ACOXL: variants seen among roughly 807,000 people sequenced by gnomAD.
ACOXL encodes the protein acyl-CoA oxidase like, also known as acyl-coenzyme A oxidase-like protein.
A neutral mutation model predicts 71.9 loss-of-function variants in ACOXL; 70 were observed. The observed-to-expected ratio is 0.97, with a 90% CI of 0.80 to 1.19. The LOEUF (loss-of-function observed/expected upper bound fraction) is 1.19, where lower values mean the gene tolerates loss of function less well. Ranked by LOEUF, ACOXL falls within the 50% of genes most tolerant of loss-of-function variation. ACOXL has a pLI of 0.00. For synonymous variants in ACOXL, 253 were observed against 281.6 expected (o/e 0.90, Z 1.02); for missense variants, 703 against 736.3 (o/e 0.95, Z 0.52).
At chr2:111,055,933 A>C (rs2066512928) in intron 16 of ACOXL, among the ~76,000 whole-genome samples, 3 of 152,220 alleles carry the variant, frequency 2.0e-5, no homozygotes, top group African/African-American at 7.2e-5. Context: ...AGCTAGAGCC[A>C]CACAGAAAGA....
chr2:110,952,521 G>A (rs929299115), intron 12 of ACOXL, among the ~76,000 whole-genome samples: 2 of 152,148 alleles, frequency 1.3e-5, no homozygotes, highest in Admixed American at 1.3e-4. Flanking sequence ...GAGTGCAGTA[G>A]CGTGATCGTG....
At chr2:110,897,219 G>T (rs796192442) in intron 10 of ACOXL, among the ~76,000 whole-genome samples, 15 of 152,322 alleles carry the variant, frequency 9.8e-5, no homozygotes, top group African/African-American at 3.6e-4. Context: ...GTAGGGCACA[G>T]CTAAAGCAGT....
intron 12 of ACOXL, among the ~76,000 whole-genome samples, chr2:110,976,189 G>C (rs1172354565): frequency 1.3e-5 from 2 of 152,214 alleles, no homozygotes. Context: ...CAAGGCCTGA[G>C]AGTCTGATTG....
At chr2:110,751,250 G>T (rs938273160) in intron 1 of ACOXL, among the ~76,000 whole-genome samples, 1 of 145,456 alleles carries the variant, frequency 6.9e-6, no homozygotes. Context: ...GCAGTGAGCC[G>T]AGATCGTGCC....
At chr2:111,008,915 T>C (rs1011835769) in intron 14 of ACOXL, among the ~76,000 whole-genome samples, 3 of 152,212 alleles carry the variant, frequency 2.0e-5, no homozygotes, top group Non-Finnish European at 2.9e-5. Context: ...TGTCTGCTCA[T>C]ATTATTTTCC....
At chr2:110,870,850 G>T (rs1409329726) in intron 10 of ACOXL, among the ~76,000 whole-genome samples, 1 of 152,216 alleles carries the variant, frequency 6.6e-6, no homozygotes, top group Non-Finnish European at 1.5e-5. Context: ...AACCCATATA[G>T]GGGTCACCAA....
intron 12 of ACOXL, among the ~76,000 whole-genome samples, chr2:110,935,481 G>A (rs1445020876): frequency 6.6e-6 from 1 of 152,100 alleles, no homozygotes; most frequent in Non-Finnish European, 1.5e-5. Flanking sequence ...CGGAACAACC[G>A]CCCTCGCCTG....
At chr2:110,983,565 A>G (rs1353102207) in intron 12 of ACOXL, among the ~76,000 whole-genome samples, 1 of 152,194 alleles carries the variant, frequency 6.6e-6, no homozygotes, top group Non-Finnish European at 1.5e-5. Context: ...AGAGTGCAGA[A>G]CCAGCAGAAC....
chr2:110,826,752 CTTTT>C (rs775164507), intron 9 of ACOXL, among the ~76,000 whole-genome samples: 7 of 116,532 alleles, frequency 6.0e-5, no homozygotes, highest in Non-Finnish European at 1.2e-4. Flanking sequence ...TCTCTCTTTG[CTTTT>C]TTTTTTTTTT....
At chr2:111,092,740 A>T (rs1407996699) in intron 16 of ACOXL, 125 bp from the exon 17 acceptor site, 7 of 669,564 alleles carry the variant, frequency 1.0e-5, no homozygotes, top group Non-Finnish European at 1.8e-5. Context: ...TTACATTAGG[A>T]AAGTATTAAC....
intron 10 of ACOXL, among the ~76,000 whole-genome samples, chr2:110,842,319 G>A (rs557870628): frequency 6.6e-6 from 1 of 152,174 alleles, no homozygotes; most frequent in Non-Finnish European, 1.5e-5. Flanking sequence ...AGGTTCTCAT[G>A]TGGGACATTT....
At chr2:110,785,085 C>T (rs1284856481) in intron 3 of ACOXL, among the ~76,000 whole-genome samples, 3 of 152,180 alleles carry the variant, frequency 2.0e-5, no homozygotes, top group Non-Finnish European at 4.4e-5. Flanking sequence ...AAAACAGTAT[C>T]ATAATCCTTT....
At chr2:110,957,186 C>G (rs940435276) in intron 12 of ACOXL, among the ~76,000 whole-genome samples, 4 of 151,552 alleles carry the variant, frequency 2.6e-5, no homozygotes, top group Non-Finnish European at 5.9e-5. Flanking sequence ...ACCCATCGAC[C>G]CCACCAAGAA....
intron 14 of ACOXL, among the ~76,000 whole-genome samples, chr2:111,015,661 G>T (rs1217224264): frequency 6.6e-6 from 1 of 152,094 alleles, no homozygotes; most frequent in Non-Finnish European, 1.5e-5. Flanking sequence ...AAAAAGACTT[G>T]TACAGGAATG....
chr2:110,751,514 C>T (rs1222479840), intron 1 of ACOXL, among the ~76,000 whole-genome samples: 5 of 151,986 alleles, frequency 3.3e-5, no homozygotes, highest in Non-Finnish European at 7.4e-5. Flanking sequence ...ATATTCTTCC[C>T]CCTAAATAAC....
At chr2:111,103,845 TC>T (rs1410591497) in intron 17 of ACOXL, among the ~76,000 whole-genome samples, 2 of 152,042 alleles carry the variant, frequency 1.3e-5, no homozygotes, top group Non-Finnish European at 2.9e-5. Flanking sequence ...TTACTTAGTT[TC>T]CCCCATTGGC....
intron 16 of ACOXL, among the ~76,000 whole-genome samples, chr2:111,070,021 T>A (rs2067265246): frequency 6.6e-6 from 1 of 152,034 alleles, no homozygotes; most frequent in Non-Finnish European, 1.5e-5. Context: ...TCCGTCGGCC[T>A]GCCCTCAGGA....
Position 110,979,806 on chromosome 2 carries a change from G to T in ACOXL, c.1060-7302G>T, listed in dbSNP as rs1047891647. On this transcript the variant is annotated intron_variant, in intron 12 of 17. Transcript: ENST00000439055. ...GCAGTGGTGCAAACGGAGGGCCTTT[G>T]CCCCTTTCCAAGGGGGCTGTAACCT... 5.9e-5 allele frequency among the ~76,000 whole-genome samples: 9 copies of T among 152,194 alleles called. No homozygotes were observed. The East Asian group carries it at 1.7e-3, about 29-fold the overall frequency.
At chr2:110,977,855 A>G (rs2062524855) in intron 12 of ACOXL, among the ~76,000 whole-genome samples, 1 of 152,204 alleles carries the variant, frequency 6.6e-6, no homozygotes. Flanking sequence ...TCATCTAAAC[A>G]GATATAGTCT....
Sources: allele counts gnomAD v4.1 joint callset (sites outside exome capture counted in the v4.1 genomes callset), GRCh38; gene constraint gnomAD v4.1.1; transcripts MANE v1.5; gene names NCBI Gene and HGNC (gene_info 2026-07-23, HGNC 2026-07-21).